The following FAXDC2 variants were observed in gnomAD, a reference collection of about 807,000 sequenced individuals.
The protein encoded by FAXDC2 is fatty acid hydroxylase domain containing 2, also known as fatty acid hydroxylase domain-containing protein 2.
FAXDC2 carries 41 observed loss-of-function variants against 40.9 expected under a neutral mutation model. The ratio of observed to expected loss-of-function variants is 1.00; its 90% CI spans 0.78 to 1.30. The LOEUF is 1.30. Among genes scored for constraint, FAXDC2 ranks in the 50% most tolerant of loss-of-function variants. FAXDC2 has a pLI of 0.00. For missense variants in FAXDC2, 390 were observed against 408.8 expected, an observed-to-expected ratio of 0.95 and a Z score of 0.40; for synonymous variants, 157 against 149.3, an observed-to-expected ratio of 1.05 and a Z score of -0.38.
chr5:154,827,558 G>A (rs1328358649), intron 5 of FAXDC2, among the ~76,000 whole-genome samples: 1 of 151,430 alleles, frequency 6.6e-6, no homozygotes, highest in African/African-American at 2.4e-5. Context: ...GGTTTCGCCA[G>A]CCTGTTGTGA....
At position 154,820,154 on chromosome 5, in the gene FAXDC2, T is replaced by C; in HGVS notation, c.*162A>G. The C allele has an allele frequency of 1.6e-6, 1 of 613,666 alleles. No individual in the cohort carries two copies. Among genetic ancestry groups the C allele is most frequent in the Non-Finnish European group, 3.0e-6 (1 of 338,292 alleles). 38.0% of individuals were successfully genotyped at this position (613,666 alleles called of 1,614,324 possible). On this transcript the variant is annotated 3_prime_UTR_variant, in exon 9 of 9. Transcript: ENST00000326080. ...CAAGGGCAGTAGTTTGAAGAAAGCC[T>C]CATCCTTGGCCCTGCTTTTCCGGGA...
At chr5:154,838,034 A>G (rs1760394460) in intron 2 of FAXDC2, 97 bp downstream of exon 2, 1 of 823,302 alleles carries the variant, frequency 1.2e-6, no homozygotes. Context: ...CCACCCCTAA[A>G]CCTTGGGGGA....
Position 154,820,481 on chromosome 5 carries a change from G to A in FAXDC2, c.846-9C>T, listed in dbSNP as rs761568023. ...CATAGCACTGGTTGAACCTAGAAGA[G>A]AGAGGACGGCACTGCAGTGCCCATG... On this transcript the variant is annotated splice_polypyrimidine_tract_variant and intron_variant, in intron 8 of 8. Transcript: ENST00000326080. The A allele has an allele frequency of 2.9e-5, 47 of 1,604,268 alleles. No individual in the cohort carries two copies. Among genetic ancestry groups the A allele is most frequent in the Non-Finnish European group, 3.6e-5 (42 of 1,175,262 alleles).
In FAXDC2 at chr5:154,830,799, A is replaced by T. The variant is rs1760168806; in HGVS notation, c.366+2T>A. 3.1e-6 allele frequency: 5 copies of T among 1,613,970 alleles called. No individual in the cohort carries two copies. The South Asian group carries it at 5.5e-5, about 18-fold the overall frequency. On this transcript the variant is annotated splice_donor_variant, in intron 5 of 8. Coordinates refer to ENST00000326080, the MANE Select transcript of FAXDC2 (RefSeq NM_032385.5). LOFTEE classifies it high-confidence loss of function. The stretch of plus-strand genomic sequence containing the variant: ...TTGACCAGAAGTTGCAACAACACTT[A>T]CAGGTTCATTCTTGCCGACCTGAAT...
intron 1 of FAXDC2, among the ~76,000 whole-genome samples, chr5:154,839,345 AAAG>A (rs1392568502): frequency 1.3e-5 from 2 of 151,712 alleles, no homozygotes; most frequent in Admixed American, 1.3e-4. Context: ...AAAAAAAAGA[AAAG>A]AAATACGTCT....
intron 7 of FAXDC2, 62 bp from the exon 8 acceptor site, chr5:154,821,488 A>G (rs1759888602): frequency 3.6e-6 from 5 of 1,379,970 alleles, no homozygotes; most frequent in South Asian, 2.7e-5. Context: ...AGTTGGGTAT[A>G]CACTTAGTCC....
chr5:154,844,691 A>G (rs142234266), intron 1 of FAXDC2, among the ~76,000 whole-genome samples: 16 of 152,292 alleles, frequency 1.1e-4, no homozygotes, highest in African/African-American at 3.9e-4. Flanking sequence ...CTTTTGACAT[A>G]TAGGCTGGGT....
chr5:154,830,457 C>G (rs1157300889), intron 5 of FAXDC2: 1 of 211,512 alleles, frequency 4.7e-6, no homozygotes, highest in Non-Finnish European at 9.8e-6. Context: ...TACCCATATT[C>G]TAGCATCCAC....
intron 2 of FAXDC2, among the ~76,000 whole-genome samples, chr5:154,837,218 T>G (rs569474811): frequency 2.0e-5 from 3 of 150,326 alleles, no homozygotes; most frequent in Non-Finnish European, 4.5e-5. Context: ...GTGCACACAC[T>G]CTCTCTCTCT....
intron 1 of FAXDC2, among the ~76,000 whole-genome samples, chr5:154,843,662 T>C (rs1252892249): frequency 3.3e-5 from 5 of 152,226 alleles, no homozygotes; most frequent in African/African-American, 1.2e-4. Context: ...ATCCAAAGAA[T>C]GCTGTTTTTA....
At chr5:154,841,947 A>C (rs1388371511) in intron 1 of FAXDC2, among the ~76,000 whole-genome samples, 2 of 152,094 alleles carry the variant, frequency 1.3e-5, no homozygotes, top group Non-Finnish European at 2.9e-5. Context: ...CATGTTGGCC[A>C]GACCAGTCTC....
chr5:154,845,788 T>A (rs1760584902), intron 1 of FAXDC2, among the ~76,000 whole-genome samples: 1 of 147,248 alleles, frequency 6.8e-6, no homozygotes, highest in African/African-American at 2.6e-5. Flanking sequence ...GTTGGACACC[T>A]ATTTTTTTTT....
At chr5:154,848,098 C>A (rs1264553718) in intron 1 of FAXDC2, among the ~76,000 whole-genome samples, 1 of 152,200 alleles carries the variant, frequency 6.6e-6, no homozygotes, top group African/African-American at 2.4e-5. Context: ...CTCGGCCTCC[C>A]AATGTGCTGG....
In FAXDC2 at chr5:154,821,240, T is replaced by C. The variant is rs1280284246; in HGVS notation, c.845+20A>G. 1 of 1,604,594 alleles carries C rather than the reference T, an allele frequency of 6.2e-7. No individual in the cohort carries two copies. The highest frequency in any genetic ancestry group is 1.1e-5 in the South Asian group (1 of 90,514). ...TGATGGTTGTTGCCTAGGGACCCAT[T>C]GTGGGGAGAAGGTCCTTACTTGAGA... is the stretch of plus-strand genomic sequence containing the variant. On this transcript the variant is annotated intron_variant, in intron 8 of 8. Transcript: ENST00000326080.
At chr5:154,824,390 C>A (rs2113125181) in intron 5 of FAXDC2, 2 of 671,574 alleles carry the variant, frequency 3.0e-6, no homozygotes, top group South Asian at 3.2e-5. Context: ...TCCAAGTTCC[C>A]TCTGTGAGCT....
At position 154,830,908 on chromosome 5, in the gene FAXDC2, G is replaced by T. The variant is rs751888538; in HGVS notation, c.259C>A (p.Pro87Thr). The change falls in exon 5 of 9, where the codon CCT becomes ACT. Residue 87 changes from proline (P) to threonine (T), a missense_variant. By Grantham distance (38) the Pro-to-Thr change is conservative (BLOSUM62 -1). Coordinates refer to ENST00000326080, the MANE Select transcript of FAXDC2 (RefSeq NM_032385.5). ...ILFFIGAIQVPCLFFWSFNGL... is the reference protein window; with the variant it reads ...ILFFIGAIQVTCLFFWSFNGL... ...TTGAAGCTCCAGAAGAAGAGACAAG[G>T]CACTTGGATGGCACCTGAGATTGGG... The T allele has an allele frequency of 6.2e-7, 1 of 1,613,980 alleles. No individual in the cohort carries two copies. Among genetic ancestry groups the T allele is most frequent in the Admixed American group, 1.7e-5 (1 of 60,022 alleles).
chr5:154,842,525 T>G (rs111714804), intron 1 of FAXDC2, among the ~76,000 whole-genome samples: 54 of 114,116 alleles, frequency 4.7e-4, no homozygotes, highest in African/African-American at 1.5e-3. Context: ...TTTTTTTTTT[T>G]TTTTTTTTTT....
chr5:154,844,008 CAGG>C (rs1415548138), intron 1 of FAXDC2, among the ~76,000 whole-genome samples: 2 of 152,106 alleles, frequency 1.3e-5, no homozygotes, highest in Admixed American at 6.6e-5. Context: ...CGTTTGAGGT[CAGG>C]AGTTCAAGAC....
At position 154,822,480 on chromosome 5, in the gene FAXDC2, C is replaced by T. The variant is rs561703303; in HGVS notation, c.670G>A (p.Glu224Lys). The stretch of plus-strand genomic sequence containing the variant: ...CATAGAGCTCTACTCACTGCATGCT[C>T]TATAGGGTGGGCATAGAGAGAGATC... ...GVISLYAHPI[E>K]HAVSNMLPVI... is the part of the protein sequence containing the mutation. Residue 224 changes from glutamate (E) to lysine (K), a missense_variant, in exon 7 of 9, where the codon GAG becomes AAG. Transcript: ENST00000326080. 3.6e-5 allele frequency: 58 copies of T among 1,612,348 alleles called. No homozygotes were observed. Among genetic ancestry groups the T allele is most frequent in the South Asian group, 1.1e-4 (10 of 91,052 alleles).
Sources: allele counts gnomAD v4.1 joint callset (sites outside exome capture counted in the v4.1 genomes callset), GRCh38; gene constraint gnomAD v4.1.1; transcripts MANE v1.5; gene names NCBI Gene and HGNC (gene_info 2026-07-23, HGNC 2026-07-21).